Variants in PPTC7 observed in about 807,000 individuals in gnomAD.
The protein encoded by PPTC7 is protein phosphatase PTC7 homolog.
PPTC7 carries 6 observed loss-of-function variants against 30.8 expected under a neutral mutation model. The ratio of observed to expected loss-of-function variants is 0.19; its 90% CI spans 0.11 to 0.38. The LOEUF (loss-of-function observed/expected upper bound fraction) is 0.38. PPTC7 is among the 10% of genes least tolerant of loss of function. PPTC7 has a pLI of 1.00. For synonymous variants in PPTC7, 163 were observed against 168.1 expected (o/e 0.97, Z 0.23); for missense variants, 218 against 404.8 (o/e 0.54, Z 3.96).
chr12:110,552,059 C>T, intron 1 of PPTC7, 91 bp from the exon 2 acceptor site: 2 of 930,342 alleles, frequency 2.1e-6, no homozygotes, highest in South Asian at 3.4e-5. Context: ...GTTAATTTCA[C>T]TACATGCTAC....
At chr12:110,560,987 A>C (rs561856547) in intron 1 of PPTC7, among the ~76,000 whole-genome samples, 1 of 152,322 alleles carries the variant, frequency 6.6e-6, no homozygotes, top group African/African-American at 2.4e-5. Context: ...ACTGAATAAG[A>C]ATCTGGCAGG....
At chr12:110,553,720 C>T (rs936639465) in intron 1 of PPTC7, among the ~76,000 whole-genome samples, 4 of 152,020 alleles carry the variant, frequency 2.6e-5, no homozygotes, top group Non-Finnish European at 4.4e-5. Flanking sequence ...TTGGGGCTAC[C>T]GTGAGCCATG....
In PPTC7 at chr12:110,583,168, G is replaced by A; in HGVS notation, c.-137C>T. On this transcript the variant is annotated 5_prime_UTR_variant, in exon 1 of 6. Transcript: ENST00000354300. Reference sequence around the variant, plus strand: ...AGGGCGGCGCGCAGTGGCCGCCGCCGCCCCTGCCCGACGCGCGGGGCCTCG... The same window carrying A: ...AGGGCGGCGCGCAGTGGCCGCCGCCACCCCTGCCCGACGCGCGGGGCCTCG... 1 of 447,566 alleles carries A rather than the reference G, an allele frequency of 2.2e-6. No homozygotes were observed. Among genetic ancestry groups the A allele is most frequent in the Non-Finnish European group, 3.3e-6 (1 of 307,416 alleles). The allele number at this position is 447,566 out of a possible 1,614,324, so 27.7% of individuals were successfully genotyped here.
intron 1 of PPTC7, among the ~76,000 whole-genome samples, chr12:110,555,222 A>G (rs2064376500): frequency 6.6e-6 from 1 of 152,256 alleles, no homozygotes; most frequent in South Asian, 2.1e-4. Context: ...GACATAAAGA[A>G]GGCAACAAAT....
intron 1 of PPTC7, among the ~76,000 whole-genome samples, chr12:110,563,837 A>G (rs2064458664): frequency 6.6e-6 from 1 of 152,258 alleles, no homozygotes; most frequent in African/African-American, 2.4e-5. Context: ...ACTAGAGAAG[A>G]TAATTTCCAG....
intron 3 of PPTC7, among the ~76,000 whole-genome samples, chr12:110,545,313 G>T (rs1423479433): frequency 6.6e-6 from 1 of 152,086 alleles, no homozygotes. Context: ...AGCTGGTCTT[G>T]AACTCCTGGC....
chr12:110,583,112 C>T lies in PPTC7; in HGVS notation c.-81G>A. The T allele has an allele frequency of 8.6e-7, 1 of 1,157,650 alleles. No homozygotes were observed. The highest frequency in any genetic ancestry group is 1.1e-6 in the Non-Finnish European group (1 of 908,554). 71.7% of individuals were successfully genotyped at this position (1,157,650 alleles called of 1,614,324 possible). A position where few individuals can be genotyped will look rare whatever the true frequency, so the allele number is the denominator to read the frequency against. ...GGCCCGGAGCCGGCTCTCTCCTCAGCCGCAGTCGCGCCGCCGCTGGGGCGC... is the reference window on the plus strand; with the variant it reads ...GGCCCGGAGCCGGCTCTCTCCTCAGTCGCAGTCGCGCCGCCGCTGGGGCGC... On this transcript the variant is annotated 5_prime_UTR_variant, in exon 1 of 6. Coordinates refer to ENST00000354300, the MANE Select transcript of PPTC7 (RefSeq NM_139283.2).
intron 3 of PPTC7, among the ~76,000 whole-genome samples, chr12:110,545,052 G>A (rs2064294432): frequency 1.3e-5 from 2 of 152,000 alleles, no homozygotes; most frequent in African/African-American, 4.8e-5. Context: ...TGGGACTATG[G>A]TCCTACACCA....
chr12:110,574,176 T>TAAAAAAAAAAAAAAAAAAAAAAAAA (rs1167486526), intron 1 of PPTC7, among the ~76,000 whole-genome samples: 1 of 89,426 alleles, frequency 1.1e-5, no homozygotes, highest in African/African-American at 4.0e-5. Context: ...AAAAAAAAAT[T>TAAAAAAAAAAAAAAAAAAAAAAAAA]AAAAGCATTA....
At chr12:110,542,838 T>C (rs1012440253) in intron 3 of PPTC7, among the ~76,000 whole-genome samples, 1 of 151,870 alleles carries the variant, frequency 6.6e-6, no homozygotes, top group East Asian at 1.9e-4. Context: ...GGAAGATCTT[T>C]TTCTCTGACA....
chr12:110,545,492 G>A (rs1162487623), intron 3 of PPTC7, among the ~76,000 whole-genome samples: 1 of 152,240 alleles, frequency 6.6e-6, no homozygotes, highest in African/African-American at 2.4e-5. Flanking sequence ...TAACGCAGAT[G>A]TCTGTTTGTG....
At chr12:110,545,119 G>A (rs1171513036) in intron 3 of PPTC7, among the ~76,000 whole-genome samples, 1 of 151,974 alleles carries the variant, frequency 6.6e-6, no homozygotes, top group East Asian at 1.9e-4. Flanking sequence ...TTGAGACAGA[G>A]TCTTGCTCTG....
chr12:110,546,921 T>C (rs1042195434), intron 2 of PPTC7, among the ~76,000 whole-genome samples: 1 of 152,188 alleles, frequency 6.6e-6, no homozygotes, highest in African/African-American at 2.4e-5. Context: ...CCTATTAGTT[T>C]AACACGAGTC....
intron 1 of PPTC7, among the ~76,000 whole-genome samples, chr12:110,568,675 A>G (rs1298924699): frequency 6.6e-6 from 1 of 152,238 alleles, no homozygotes; most frequent in Admixed American, 6.5e-5. Context: ...ACTAATAGGA[A>G]GCAACCAATA....
At chr12:110,571,785 T>C (rs1414567742) in intron 1 of PPTC7, among the ~76,000 whole-genome samples, 1 of 152,184 alleles carries the variant, frequency 6.6e-6, no homozygotes, top group Non-Finnish European at 1.5e-5. Context: ...GAATTGTGTA[T>C]TGTAATAAGA....
rs1368851458 is a variant in PPTC7, at chr12:110,534,538, C to T, written c.*2499G>A. 2 of 152,112 alleles carry T rather than the reference C, an allele frequency of 1.3e-5. No individual in the cohort carries two copies. The highest frequency in any genetic ancestry group is 4.8e-5 in the African/African-American group (2 of 41,414). 9.4% of individuals were successfully genotyped at this position (152,112 alleles called of 1,614,324 possible). Reference sequence around the variant, plus strand: ...GGAAAATTCTACTATGGGTCCAACACAGCCTCTGACCACTGAGAGTAGGAG... The same window carrying T: ...GGAAAATTCTACTATGGGTCCAACATAGCCTCTGACCACTGAGAGTAGGAG... On this transcript the variant is annotated 3_prime_UTR_variant, in exon 6 of 6. Coordinates refer to ENST00000354300, the MANE Select transcript of PPTC7 (RefSeq NM_139283.2).
At position 110,574,141 on chromosome 12, in the gene PPTC7, TAAAAAAAAAAAAAAAAAA is replaced by T. The variant is rs58133391; in HGVS notation, c.223+8650_223+8667del. Among the ~76,000 whole-genome samples, 8 of 37,450 alleles carry T rather than the reference TAAAAAAAAAAAAAAAAAA, an allele frequency of 2.1e-4. No homozygotes were observed. The South Asian group carries it at 5.2e-3, about 24-fold the overall frequency. 24.6% of individuals were successfully genotyped at this position (37,450 alleles called of 152,430 possible). ...AGAGAGACTCTGTCTCCACAATAAT[TAAAAAAAAAAAAAAAAAA>T]AAAAAAAAAAAAAAATTAAAAGCAT... On this transcript the variant is annotated intron_variant, in intron 1 of 5. Coordinates refer to ENST00000354300, the MANE Select transcript of PPTC7 (RefSeq NM_139283.2).
chr12:110,541,034 C>G (rs2064255200), intron 3 of PPTC7, among the ~76,000 whole-genome samples: 1 of 151,352 alleles, frequency 6.6e-6, no homozygotes, highest in Non-Finnish European at 1.5e-5. Context: ...CTTGGCCTCT[C>G]AAAGTGCTGG....
intron 1 of PPTC7, among the ~76,000 whole-genome samples, chr12:110,569,250 T>C (rs1439278296): frequency 6.6e-6 from 1 of 151,340 alleles, no homozygotes; most frequent in Non-Finnish European, 1.5e-5. Context: ...GGAGAATTGC[T>C]TGAACCCAGG....
Sources: gnomAD v4.1 joint callset for allele counts (sites outside exome capture counted in the v4.1 genomes callset) on GRCh38, gnomAD v4.1.1 for gene constraint, MANE v1.5 for transcripts, NCBI Gene and HGNC (gene_info 2026-07-23, HGNC 2026-07-21) for gene names.